PLXNC1: variants seen among roughly 807,000 people sequenced by gnomAD.
The protein encoded by PLXNC1 is plexin C1, also known as plexin-C1.
Under a neutral mutation model 178.2 loss-of-function variants are expected in PLXNC1, and 75 were observed. The observed-to-expected ratio is 0.42, with a 90% CI of 0.35 to 0.51. The LOEUF (loss-of-function observed/expected upper bound fraction) is 0.51. PLXNC1 is among the 20% of genes least tolerant of loss of function. The pLI is 0.02. For synonymous variants in PLXNC1, 790 were observed against 779.9 expected, an observed-to-expected ratio of 1.01 and a Z score of -0.22; for missense variants, 1,503 against 1,984.4, an observed-to-expected ratio of 0.76 and a Z score of 4.61.
intron 1 of PLXNC1, among the ~76,000 whole-genome samples, chr12:94,159,178 T>C (rs1316652697): frequency 6.6e-6 from 1 of 152,240 alleles, no homozygotes; most frequent in Non-Finnish European, 1.5e-5. Flanking sequence ...GGCAAATTAA[T>C]AGTTACTTTT....
chr12:94,198,025 C>A (rs1962981251), intron 4 of PLXNC1, among the ~76,000 whole-genome samples: 1 of 152,168 alleles, frequency 6.6e-6, no homozygotes, highest in Admixed American at 6.5e-5. Context: ...GTCCTAAGCA[C>A]TGGGATTCTA....
intron 30 of PLXNC1, 101 bp from the exon 31 acceptor site, chr12:94,305,078 CTG>C: frequency 1.5e-6 from 1 of 674,412 alleles, no homozygotes; most frequent in East Asian, 2.8e-5. Flanking sequence ...ATGTTGGCAT[CTG>C]TTTCATACAG....
At chr12:94,238,804 T>C (rs1431273175) in intron 10 of PLXNC1, among the ~76,000 whole-genome samples, 1 of 152,184 alleles carries the variant, frequency 6.6e-6, no homozygotes, top group Non-Finnish European at 1.5e-5. Context: ...AGCAGTAAAT[T>C]TGGAATATCT....
intron 4 of PLXNC1, among the ~76,000 whole-genome samples, chr12:94,208,452 A>G (rs533886580): frequency 1.3e-5 from 2 of 152,244 alleles, no homozygotes; most frequent in Non-Finnish European, 2.9e-5. Flanking sequence ...GAGTAGAGAA[A>G]GGAGAAAAAA....
intron 28 of PLXNC1, among the ~76,000 whole-genome samples, chr12:94,301,953 C>T (rs1016156451): frequency 2.0e-5 from 3 of 152,162 alleles, no homozygotes; most frequent in Non-Finnish European, 4.4e-5. Context: ...CCTCCTCCTT[C>T]CTTAGCCTTA....
At position 94,278,929 on chromosome 12, in the gene PLXNC1, C is replaced by T. The variant is rs916669034; in HGVS notation, c.3598-543C>T. Among the ~76,000 whole-genome samples, 75 of 151,944 alleles carry T rather than the reference C, an allele frequency of 4.9e-4. 1 individual carries two copies. The highest frequency in any genetic ancestry group is 5.0e-4 in the Non-Finnish European group (34 of 67,968). On this transcript the variant is annotated intron_variant, in intron 21 of 30. Transcript: ENST00000258526. ...AGGAGAATTGCTTGAACCCAGGAGG[C>T]GGAGGTTGCAGTGAGCCAAGATAGC...
chr12:94,266,922 G>C (rs1374799242), intron 21 of PLXNC1, among the ~76,000 whole-genome samples: 1 of 152,250 alleles, frequency 6.6e-6, no homozygotes, highest in African/African-American at 2.4e-5. Flanking sequence ...GGGACTGACT[G>C]AATCAGAATC....
chr12:94,172,522 C>T (rs3847804), intron 2 of PLXNC1, among the ~76,000 whole-genome samples: 109,228 of 152,002 alleles, frequency 0.72, 40,719 homozygotes, highest in South Asian at 0.88. Flanking sequence ...GTTGCAGAGT[C>T]GTCGGGGGTG....
intron 7 of PLXNC1, among the ~76,000 whole-genome samples, chr12:94,225,078 C>A (rs1963902219): frequency 2.0e-5 from 3 of 152,180 alleles, no homozygotes; most frequent in Non-Finnish European, 4.4e-5. Context: ...CATCTTTGGC[C>A]TCTTTGAGCT....
intron 2 of PLXNC1, among the ~76,000 whole-genome samples, chr12:94,170,294 G>C (rs1033591452): frequency 6.6e-6 from 1 of 152,082 alleles, no homozygotes; most frequent in African/African-American, 2.4e-5. Flanking sequence ...TTCCTCTTCT[G>C]AAAGTCTCTA....
At chr12:94,226,851 C>A in intron 8 of PLXNC1, 144 bp downstream of exon 8, 1 of 647,628 alleles carries the variant, frequency 1.5e-6, no homozygotes, top group Non-Finnish European at 2.8e-6. Context: ...TGGCAAAACC[C>A]TGCCTCTACT....
intron 10 of PLXNC1, among the ~76,000 whole-genome samples, chr12:94,238,116 A>G (rs1964289900): frequency 6.6e-6 from 1 of 152,150 alleles, no homozygotes; most frequent in African/African-American, 2.4e-5. Context: ...GGAGTAGCAA[A>G]CATCATTCTT....
chr12:94,192,263 G>T (rs114850987), intron 4 of PLXNC1, among the ~76,000 whole-genome samples: 2 of 152,118 alleles, frequency 1.3e-5, no homozygotes, highest in Admixed American at 6.6e-5. Context: ...TAAGGAACTC[G>T]CATGCTAGCT....
chr12:94,175,461 A>T (rs1228689051), intron 2 of PLXNC1, among the ~76,000 whole-genome samples: 1 of 152,018 alleles, frequency 6.6e-6, no homozygotes, highest in East Asian at 1.9e-4. Flanking sequence ...CCTGTGGGTG[A>T]TCTTGAACCT....
chr12:94,199,701 G>A (rs886230547), intron 4 of PLXNC1, among the ~76,000 whole-genome samples: 1 of 152,184 alleles, frequency 6.6e-6, no homozygotes, highest in Middle Eastern at 3.2e-3. Context: ...AGTGCTAAGG[G>A]GCACCTCTCC....
chr12:94,267,012 T>C lies in PLXNC1; in HGVS notation c.3597+1787T>C, dbSNP rs538137703. ...GATGTGTGTTCAGCCTGGACACCAC[T>C]GGGTATCTTGGAGAACAAGAGACAA... On this transcript the variant is annotated intron_variant, in intron 21 of 30. Coordinates refer to ENST00000258526, the MANE Select transcript of PLXNC1 (RefSeq NM_005761.3). Among the ~76,000 whole-genome samples, 3 of 152,368 alleles carry C rather than the reference T, an allele frequency of 2.0e-5. No individual in the cohort carries two copies. In the South Asian group the frequency reaches 6.2e-4, roughly 32 times the overall value.
chr12:94,279,610 G>C lies in PLXNC1; in HGVS notation c.3736G>C (p.Gly1246Arg). 1 of 1,614,238 alleles carries C rather than the reference G, an allele frequency of 6.2e-7. No homozygotes were observed. The highest frequency in any genetic ancestry group is 8.5e-7 in the Non-Finnish European group (1 of 1,180,040). ...TTTCCAAGCATTCTTAAGCAAAAAT[G>C]GCTCTCCTTATGGACTTCAGCTTAA... ...KIFQAFLSKN[G>R]SPYGLQLNEI... Residue 1246 changes from glycine (G) to arginine (R), a missense_variant, in exon 22 of 31, where the codon GGC becomes CGC. By Grantham distance (125) the Gly-to-Arg change is moderately radical. Coordinates refer to ENST00000258526, the MANE Select transcript of PLXNC1 (RefSeq NM_005761.3).
At position 94,227,790 on chromosome 12, in the gene PLXNC1, T is replaced by C. The variant is rs1200970097; in HGVS notation, c.1980+555T>C. Among the ~76,000 whole-genome samples the C allele has an allele frequency of 7.2e-5, 11 of 152,194 alleles. No individual in the cohort carries two copies. In the East Asian group the frequency reaches 1.7e-3, roughly 24 times the overall value. Reference sequence around the variant, plus strand: ...GAAATGCCCGTTATTTTCTTCATAGTAAATTACATAAGCCCCCACGTCAGT... The same window carrying C: ...GAAATGCCCGTTATTTTCTTCATAGCAAATTACATAAGCCCCCACGTCAGT... On this transcript the variant is annotated intron_variant, in intron 9 of 30. Transcript: ENST00000258526.
At chr12:94,174,094 C>T (rs771111515) in intron 2 of PLXNC1, among the ~76,000 whole-genome samples, 1 of 152,216 alleles carries the variant, frequency 6.6e-6, no homozygotes, top group Admixed American at 6.5e-5. Flanking sequence ...ATCCTGTCCC[C>T]ATATCCAGTC....
Sources: gnomAD v4.1 joint callset for allele counts (sites outside exome capture counted in the v4.1 genomes callset) on GRCh38, gnomAD v4.1.1 for gene constraint, MANE v1.5 for transcripts, NCBI Gene and HGNC (gene_info 2026-07-23, HGNC 2026-07-21) for gene names.